Variants in KLHL14 observed in about 807,000 individuals in gnomAD.
The protein encoded by KLHL14 is kelch-like protein 14.
In KLHL14, 22 loss-of-function variants were observed where a neutral mutation model predicts 64.3. The ratio of observed to expected loss-of-function variants is 0.34; its 90% confidence interval spans 0.24 to 0.49. The LOEUF (loss-of-function observed/expected upper bound fraction) is 0.49. KLHL14 is among the 20% of genes least tolerant of loss of function. The pLI is 0.99. For missense variants in KLHL14, 661 were observed against 789.0 expected, an observed-to-expected ratio of 0.84 and a Z score of 1.94; for synonymous variants, 322 against 333.4, an observed-to-expected ratio of 0.97 and a Z score of 0.37.
chr18:32,749,487 G>T (rs1478127207), intron 2 of KLHL14, among the ~76,000 whole-genome samples: 1 of 152,150 alleles, frequency 6.6e-6, no homozygotes, highest in Non-Finnish European at 1.5e-5. Context: ...AGGTGTAATA[G>T]CAAAATAAAT....
At chr18:32,705,514 C>G (rs8089651) in intron 3 of KLHL14, among the ~76,000 whole-genome samples, 57,033 of 151,982 alleles carry the variant, frequency 0.38, 12,873 homozygotes, top group African/African-American at 0.64. Context: ...CTTGAGGCCA[C>G]GAGTTTGAGA....
rs966511193 is a variant in KLHL14 at position 32,769,798 on chromosome 18, C to T, written c.794G>A (p.Arg265His). Residue 265 changes from arginine (R) to histidine (H), a missense_variant, in exon 2 of 9, where the codon CGC becomes CAC. Physicochemically the swap from Arg to His is conservative, Grantham distance 29. Coordinates refer to ENST00000359358, the MANE Select transcript of KLHL14 (RefSeq NM_020805.3). ...CTCCGGGGCCGGGATGAGGGCGAAGCGGAGGCGCTTCATGAGGTCAGGCGC... is the reference window on the plus strand; with the variant it reads ...CTCCGGGGCCGGGATGAGGGCGAAGTGGAGGCGCTTCATGAGGTCAGGCGC... ...QYAPDLMKRLRFALIPAPELV... is the reference protein window; with the variant it reads ...QYAPDLMKRLHFALIPAPELV... 1 of 1,611,258 alleles carries T rather than the reference C, an allele frequency of 6.2e-7. No individual in the cohort carries two copies. The highest frequency in any genetic ancestry group is 1.7e-5 in the Admixed American group (1 of 59,956).
chr18:32,679,485 A>C (rs1405275196), intron 7 of KLHL14, among the ~76,000 whole-genome samples: 3 of 152,152 alleles, frequency 2.0e-5, no homozygotes, highest in Non-Finnish European at 2.9e-5. Context: ...AATGTTCTCG[A>C]TATCATAGGT....
chr18:32,718,918 A>G (rs957392612), intron 3 of KLHL14, among the ~76,000 whole-genome samples: 2 of 152,122 alleles, frequency 1.3e-5, no homozygotes, highest in African/African-American at 2.4e-5. Context: ...TTTTCACTAT[A>G]TCATGCTATA....
intron 1 of KLHL14, among the ~76,000 whole-genome samples, chr18:32,771,865 CG>C (rs1274458767): frequency 6.6e-6 from 1 of 152,018 alleles, no homozygotes; most frequent in Non-Finnish European, 1.5e-5. Flanking sequence ...CGCCTGCAGC[CG>C]CAGCTCCCTT....
intron 3 of KLHL14, among the ~76,000 whole-genome samples, chr18:32,705,706 G>C (rs2144495246): frequency 6.6e-6 from 1 of 152,352 alleles, no homozygotes; most frequent in African/African-American, 2.4e-5. Flanking sequence ...CTGGGTGACA[G>C]AGCAAGACTG....
At chr18:32,758,564 A>G (rs944111259) in intron 2 of KLHL14, among the ~76,000 whole-genome samples, 5 of 152,206 alleles carry the variant, frequency 3.3e-5, no homozygotes, top group Non-Finnish European at 7.3e-5. Context: ...GAATTAATAT[A>G]TGAGGCAGCA....
intron 2 of KLHL14, among the ~76,000 whole-genome samples, chr18:32,753,900 C>T (rs2050269045): frequency 6.6e-6 from 1 of 152,248 alleles, no homozygotes; most frequent in Non-Finnish European, 1.5e-5. Flanking sequence ...TTCTGAAGAG[C>T]ATAAATTGCA....
At chr18:32,719,740 A>G (rs532521315) in intron 3 of KLHL14, among the ~76,000 whole-genome samples, 1 of 152,362 alleles carries the variant, frequency 6.6e-6, no homozygotes, top group Admixed American at 6.5e-5. Flanking sequence ...TTAAACAACT[A>G]TGTCACAAAA....
chr18:32,716,420 C>CTTT (rs60090148), intron 3 of KLHL14, among the ~76,000 whole-genome samples: 32,372 of 147,254 alleles, frequency 0.22, 3,631 homozygotes, highest in Middle Eastern at 0.31. Context: ...GCTTGCTTGA[C>CTTT]TTTTTTTTTT....
Position 32,674,609 on chromosome 18 carries a change from C to T in KLHL14, c.*48G>A, listed in dbSNP as rs762051609. The T allele has an allele frequency of 1.3e-6, 1 of 768,058 alleles. No individual in the cohort carries two copies. The highest frequency in any genetic ancestry group is 1.4e-5 in the South Asian group (1 of 73,310). The allele number at this position is 768,058 out of a possible 1,614,324, so 47.6% of individuals were successfully genotyped here. On this transcript the variant is annotated 3_prime_UTR_variant, in exon 9 of 9. Coordinates refer to ENST00000359358, the MANE Select transcript of KLHL14 (RefSeq NM_020805.3). ...CCTATTATAATAGTGATGTCACCTG[C>T]CATTGCTTCCTAGAATGTGATACTG...
At chr18:32,726,246 G>A (rs1056362602) in intron 3 of KLHL14, among the ~76,000 whole-genome samples, 10 of 152,162 alleles carry the variant, frequency 6.6e-5, no homozygotes, top group African/African-American at 2.2e-4. Flanking sequence ...GAGACCTTAC[G>A]GCCACAAAGC....
At chr18:32,756,025 G>A (rs949096348) in intron 2 of KLHL14, among the ~76,000 whole-genome samples, 5 of 152,100 alleles carry the variant, frequency 3.3e-5, no homozygotes, top group Admixed American at 6.5e-5. Flanking sequence ...TGTCTTAAAC[G>A]TGGCTTTGTT....
chr18:32,741,559 G>C (rs1481230566), intron 3 of KLHL14, among the ~76,000 whole-genome samples: 2 of 152,188 alleles, frequency 1.3e-5, no homozygotes, highest in African/African-American at 4.8e-5. Context: ...CAACCATTTT[G>C]ATGTGAGAAA....
intron 3 of KLHL14, among the ~76,000 whole-genome samples, chr18:32,740,077 G>A (rs2050188421): frequency 6.6e-6 from 1 of 152,126 alleles, no homozygotes; most frequent in South Asian, 2.1e-4. Context: ...TCAAGGTCCT[G>A]GATCTGGGTT....
intron 8 of KLHL14, among the ~76,000 whole-genome samples, 200 bp from the exon 9 acceptor site, chr18:32,674,997 T>G (rs998596714): frequency 6.6e-6 from 1 of 152,160 alleles, no homozygotes; most frequent in Non-Finnish European, 1.5e-5. Flanking sequence ...CAAAAAAAAT[T>G]TTTTTGTGTG....
intron 3 of KLHL14, among the ~76,000 whole-genome samples, chr18:32,711,764 G>C (rs2050020641): frequency 1.3e-5 from 2 of 152,074 alleles, no homozygotes; most frequent in African/African-American, 4.8e-5. Flanking sequence ...ATTCAGCTTA[G>C]TTTTCATAGC....
intron 3 of KLHL14, among the ~76,000 whole-genome samples, chr18:32,731,981 G>A (rs2050139261): frequency 6.6e-6 from 1 of 152,118 alleles, no homozygotes; most frequent in South Asian, 2.1e-4. Flanking sequence ...AGCACTTTGG[G>A]AGGCCGAGGC....
At chr18:32,679,385 A>G (rs567121003) in intron 7 of KLHL14, among the ~76,000 whole-genome samples, 51 of 152,322 alleles carry the variant, frequency 3.3e-4, no homozygotes, top group African/African-American at 1.2e-3. Flanking sequence ...TTCAGCGATC[A>G]TAGACTAGGA....
Sources: gnomAD v4.1 joint callset for allele counts (sites outside exome capture counted in the v4.1 genomes callset) on GRCh38, gnomAD v4.1.1 for gene constraint, MANE v1.5 for transcripts, NCBI Gene and HGNC (gene_info 2026-07-23, HGNC 2026-07-21) for gene names.